The following PEAK1 variants were observed in gnomAD, a reference collection of about 807,000 sequenced individuals.
PEAK1 encodes pseudopodium enriched atypical kinase 1.
In PEAK1, 54 loss-of-function variants were observed where a neutral mutation model predicts 124.7. That is an observed-to-expected ratio of 0.43 (90% CI 0.35 to 0.54). The LOEUF (loss-of-function observed/expected upper bound fraction) is 0.54, where lower values mean the gene tolerates loss of function less well. Among genes scored for constraint, PEAK1 ranks in the 20% least tolerant of loss-of-function variants. PEAK1 has a pLI of 0.01. For missense variants in PEAK1, 2,046 were observed against 2,134.5 expected (o/e 0.96, Z 0.82); for synonymous variants, 719 against 760.0 (o/e 0.95, Z 0.89).
At chr15:77,373,304 C>T (rs2068775970) in intron 1 of PEAK1, among the ~76,000 whole-genome samples, 1 of 152,056 alleles carries the variant, frequency 6.6e-6, no homozygotes, top group Non-Finnish European at 1.5e-5. Context: ...GAAGTCTTCC[C>T]TGGTTTTCCC....
In PEAK1 at chr15:77,180,650, C is replaced by T; in HGVS notation, c.1277G>A (p.Gly426Asp). Reference protein sequence around the residue: ...VLALRLEEKDGKIAVQTEKEE... With the variant: ...VLALRLEEKDDKIAVQTEKEE... ...CTTCTCAGTTTGTACAGCAATCTTG[C>T]CATCTTTCTCTTCTAATCGGAGAGC... The change falls in exon 7 of 10, where the codon GGC (glycine) becomes GAC (aspartate). Residue 426 changes from glycine (G) to aspartate (D), a missense_variant. Transcript: ENST00000682557. 6.2e-7 allele frequency: 1 copy of T among 1,614,136 alleles called. No individual in the cohort carries two copies. The highest frequency in any genetic ancestry group is 1.1e-5 in the South Asian group (1 of 91,086).
At chr15:77,194,227 C>T (rs2152837120) in intron 6 of PEAK1, among the ~76,000 whole-genome samples, 1 of 152,228 alleles carries the variant, frequency 6.6e-6, no homozygotes, top group Non-Finnish European at 1.5e-5. Context: ...TCCCTTTGAC[C>T]CATCTAGCTA....
intron 1 of PEAK1, among the ~76,000 whole-genome samples, chr15:77,392,260 C>G (rs964861752): frequency 2.6e-5 from 4 of 152,204 alleles, no homozygotes; most frequent in African/African-American, 9.6e-5. Flanking sequence ...AAACAATATT[C>G]ATCACAGTTG....
intron 7 of PEAK1, among the ~76,000 whole-genome samples, chr15:77,175,168 T>A (rs937354301): frequency 6.6e-6 from 1 of 152,060 alleles, no homozygotes; most frequent in African/African-American, 2.4e-5. Flanking sequence ...AACCCAGGCA[T>A]TACCATTCAG....
chr15:77,353,601 G>A (rs1359200290), intron 2 of PEAK1, among the ~76,000 whole-genome samples: 1 of 152,136 alleles, frequency 6.6e-6, no homozygotes, highest in Admixed American at 6.6e-5. Flanking sequence ...GAAAATGTTG[G>A]TAATGAACTA....
chr15:77,278,078 T>C (rs1285335491), intron 5 of PEAK1, among the ~76,000 whole-genome samples: 12 of 152,124 alleles, frequency 7.9e-5, no homozygotes, highest in Non-Finnish European at 2.9e-5. Flanking sequence ...GGGATGTTGA[T>C]AATAGGGAAT....
intron 9 of PEAK1, among the ~76,000 whole-genome samples, chr15:77,126,840 T>TTGA (rs2052417765): frequency 6.6e-6 from 1 of 152,228 alleles, no homozygotes; most frequent in Non-Finnish European, 1.5e-5. Flanking sequence ...GCTAATCATG[T>TTGA]TGAATGAAGA....
At position 77,182,091 on chromosome 15, in the gene PEAK1, G is replaced by A. The variant is rs907837084; in HGVS notation, c.-114-51C>T. 7 of 1,309,982 alleles carry A rather than the reference G, an allele frequency of 5.3e-6. No individual in the cohort carries two copies. In the African/African-American group the frequency reaches 1.1e-4, roughly 20 times the overall value. 81.1% of individuals were successfully genotyped at this position (1,309,982 alleles called of 1,614,324 possible). A position where few individuals can be genotyped will look rare whatever the true frequency, so the allele number is the denominator to read the frequency against. ...AATCTGAATGAAAAAGGCACTATGA[G>A]ACTTACCATTATTAGTGACTTGAAA... On this transcript the variant is annotated intron_variant, in intron 6 of 9. Coordinates refer to ENST00000682557, the MANE Select transcript of PEAK1 (RefSeq NM_001385026.1).
chr15:77,199,289 T>C (rs1567104744), intron 6 of PEAK1, among the ~76,000 whole-genome samples: 1 of 152,318 alleles, frequency 6.6e-6, no homozygotes, highest in East Asian at 1.9e-4. Context: ...TTAGGCAATG[T>C]CCCTGGCCAC....
intron 6 of PEAK1, among the ~76,000 whole-genome samples, chr15:77,242,859 T>C (rs900096495): frequency 1.3e-5 from 2 of 152,198 alleles, no homozygotes; most frequent in African/African-American, 4.8e-5. Context: ...ACTGATGTCT[T>C]CCAACAGGAA....
chr15:77,167,707 C>A (rs1292515882), intron 7 of PEAK1, among the ~76,000 whole-genome samples: 1 of 152,160 alleles, frequency 6.6e-6, no homozygotes, highest in African/African-American at 2.4e-5. Flanking sequence ...TGATAGGATT[C>A]TCTTAGTAAA....
At position 77,197,371 on chromosome 15, in the gene PEAK1, A is replaced by T. The variant is rs529622033; in HGVS notation, c.-114-15331T>A. Among the ~76,000 whole-genome samples, 3 of 152,302 alleles carry T rather than the reference A, an allele frequency of 2.0e-5. No homozygotes were observed. The South Asian group carries it at 6.2e-4, about 32-fold the overall frequency. On this transcript the variant is annotated intron_variant, in intron 6 of 9. Coordinates refer to ENST00000682557, the MANE Select transcript of PEAK1 (RefSeq NM_001385026.1). ...ATCTTGCCTAAAAACAAGAGGTGAA[A>T]TTTATATATTATCCAAACAGAATTT...
intron 5 of PEAK1, among the ~76,000 whole-genome samples, chr15:77,274,156 A>G (rs2062183254): frequency 6.6e-6 from 1 of 152,186 alleles, no homozygotes; most frequent in Non-Finnish European, 1.5e-5. Context: ...CATCTGAGAC[A>G]TGAAACCATA....
At chr15:77,419,387 C>T in intron 1 of PEAK1, 3 of 985,212 alleles carry the variant, frequency 3.0e-6, no homozygotes, top group Non-Finnish European at 3.6e-6. Context: ...GGTCAAAGGG[C>T]AGAAAAGAAA....
intron 5 of PEAK1, among the ~76,000 whole-genome samples, chr15:77,263,589 G>A (rs1414984655): frequency 6.6e-6 from 1 of 152,062 alleles, no homozygotes; most frequent in Non-Finnish European, 1.5e-5. Flanking sequence ...CCAATAACAG[G>A]CTCTGAAATT....
At chr15:77,331,019 A>T (rs2065860508) in intron 2 of PEAK1, 1 of 903,876 alleles carries the variant, frequency 1.1e-6, no homozygotes, top group Non-Finnish European at 1.3e-6. Context: ...ATTTACACTC[A>T]ACTTTTGTCA....
At chr15:77,351,645 C>T in intron 2 of PEAK1, 2 of 774,788 alleles carry the variant, frequency 2.6e-6, no homozygotes, top group South Asian at 5.9e-5. Flanking sequence ...TCAATAAATC[C>T]CTTCATTCCT....
intron 5 of PEAK1, among the ~76,000 whole-genome samples, chr15:77,271,088 AAAAC>A (rs773035101): frequency 1.1e-4 from 16 of 152,190 alleles, no homozygotes; most frequent in Non-Finnish European, 2.1e-4. Flanking sequence ...TTACAAGAAA[AAAAC>A]AAACAACCCC....
chr15:77,352,143 C>T (rs1413233773), intron 2 of PEAK1: 1 of 925,624 alleles, frequency 1.1e-6, no homozygotes, highest in Non-Finnish European at 1.3e-6. Context: ...TTGCTTTAGC[C>T]TGCAGTGAAT....
Sources: allele counts gnomAD v4.1 joint callset (sites outside exome capture counted in the v4.1 genomes callset), GRCh38; gene constraint gnomAD v4.1.1; transcripts MANE v1.5; gene names NCBI Gene and HGNC (gene_info 2026-07-23, HGNC 2026-07-21).